The following TUSC3 variants were observed in gnomAD, a reference collection of about 807,000 sequenced individuals.
The protein encoded by TUSC3 is dolichyl-diphosphooligosaccharide--protein glycosyltransferase subunit TUSC3.
A neutral mutation model predicts 44.8 loss-of-function variants in TUSC3; 45 were observed. The observed-to-expected ratio is 1.00, with a 90% CI of 0.79 to 1.29. The LOEUF (loss-of-function observed/expected upper bound fraction) is 1.29. Ranked by LOEUF, TUSC3 falls within the 50% of genes most tolerant of loss-of-function variation. The pLI is 0.00. For synonymous variants in TUSC3, 212 were observed against 152.9 expected, an observed-to-expected ratio of 1.39 and a Z score of -2.85; for missense variants, 519 against 437.9, an observed-to-expected ratio of 1.19 and a Z score of -1.65.
chr8:15,766,884 G>A (rs964011132), downstream of TUSC3, among the ~76,000 whole-genome samples: 3 of 152,078 alleles, frequency 2.0e-5, no homozygotes, highest in Admixed American at 1.3e-4. Context: ...TAAACATTGT[G>A]TTTTAAAAAG....
At chr8:15,520,693 T>A (rs994261624) in intron 2 of TUSC3, among the ~76,000 whole-genome samples, 1 of 152,210 alleles carries the variant, frequency 6.6e-6, no homozygotes, top group African/African-American at 2.4e-5. Flanking sequence ...CATGCATTCA[T>A]ATTTCTCTCT....
At chr8:15,505,029 C>G (rs947385392) in intron 2 of TUSC3, among the ~76,000 whole-genome samples, 1 of 152,018 alleles carries the variant, frequency 6.6e-6, no homozygotes, top group Non-Finnish European at 1.5e-5. Context: ...TAAACATTAA[C>G]CAAAATAATA....
At position 15,469,426 on chromosome 8, in the gene TUSC3, T is replaced by A. The variant is rs980698788; in HGVS notation, n.92-13960T>A. Reference sequence around the variant, plus strand: ...ATAGGTTCTATATCACATGTCATCATGAAAAATGCAAATTAAGACAAAAGA... The same window carrying A: ...ATAGGTTCTATATCACATGTCATCAAGAAAAATGCAAATTAAGACAAAAGA... On this transcript the variant is annotated intron_variant and non_coding_transcript_variant, in intron 1 of 5. Coordinates refer to the TUSC3 transcript ENST00000503191. 2.2e-4 allele frequency among the ~76,000 whole-genome samples: 34 copies of A among 152,156 alleles called. 1 individual carries two copies. The highest frequency in any genetic ancestry group is 8.0e-4 in the African/African-American group (33 of 41,446).
At chr8:15,807,903 C>T in the TUSC3 span, among the ~76,000 whole-genome samples, 1 of 152,188 alleles carries the variant, frequency 6.6e-6, no homozygotes, top group Non-Finnish European at 1.5e-5. Context: ...GCAAACCTAA[C>T]TTTTGGGTAC....
rs76013133 is a variant in TUSC3, at chr8:15,427,320, G to A, written n.91+10015G>A. On this transcript the variant is annotated intron_variant and non_coding_transcript_variant, in intron 1 of 5. Coordinates refer to the TUSC3 transcript ENST00000503191. ...AGGGCAGGAGAGGGCTCCCACACAC[G>A]CACACACCAGGAGTGTCAGGCAGCC... 8.4e-3 allele frequency among the ~76,000 whole-genome samples: 1,265 copies of A among 150,554 alleles called. 8 individuals are homozygous for A. Among genetic ancestry groups the A allele is most frequent in the Non-Finnish European group, 0.014 (983 of 67,812 alleles).
the TUSC3 span, among the ~76,000 whole-genome samples, chr8:15,851,570 T>C: frequency 6.6e-6 from 1 of 152,194 alleles, no homozygotes; most frequent in Non-Finnish European, 1.5e-5. Context: ...GACCAAGACA[T>C]GGGACACGTG....
chr8:15,849,881 G>C, the TUSC3 span, among the ~76,000 whole-genome samples: 1 of 152,088 alleles, frequency 6.6e-6, no homozygotes, highest in Admixed American at 6.6e-5. Context: ...CCAGTGATCC[G>C]GAGCATCACT....
intron 1 of TUSC3, among the ~76,000 whole-genome samples, chr8:15,473,050 C>T (rs542950004): frequency 2.4e-4 from 37 of 152,284 alleles, no homozygotes; most frequent in South Asian, 2.1e-3. Flanking sequence ...ATGCTGCCTT[C>T]ATGAAGTTGG....
intron 6 of TUSC3, among the ~76,000 whole-genome samples, chr8:15,676,859 C>A (rs2129184363): frequency 6.6e-6 from 1 of 152,118 alleles, no homozygotes; most frequent in East Asian, 1.9e-4. Flanking sequence ...TAGCATATAA[C>A]CCCAAAGAAG....
chr8:15,640,981 C>T (rs1489942184), intron 2 of TUSC3, among the ~76,000 whole-genome samples: 1 of 152,170 alleles, frequency 6.6e-6, no homozygotes, highest in Admixed American at 6.5e-5. Flanking sequence ...TGTTTATCTG[C>T]TCCCATGTAC....
At chr8:15,645,950 A>G (rs1297017964) in intron 2 of TUSC3, among the ~76,000 whole-genome samples, 1 of 152,148 alleles carries the variant, frequency 6.6e-6, no homozygotes, top group Non-Finnish European at 1.5e-5. Context: ...AAGGGTATTT[A>G]TGATATAGTG....
intron 1 of TUSC3, among the ~76,000 whole-genome samples, chr8:15,566,451 A>G (rs1007890844): frequency 7.9e-5 from 12 of 152,146 alleles, no homozygotes; most frequent in African/African-American, 2.4e-4. Flanking sequence ...GAGGGGGCCT[A>G]AGTTTAAAGA....
chr8:15,629,910 A>T (rs376153960), intron 2 of TUSC3, among the ~76,000 whole-genome samples: 77 of 152,102 alleles, frequency 5.1e-4, no homozygotes, highest in African/African-American at 1.7e-3. Context: ...TTGGAATTCA[A>T]TTCTCACCTC....
At chr8:15,635,618 A>G (rs940751022) in intron 2 of TUSC3, among the ~76,000 whole-genome samples, 1 of 152,204 alleles carries the variant, frequency 6.6e-6, no homozygotes, top group Admixed American at 6.5e-5. Flanking sequence ...TGAGAGTCGT[A>G]ATAGTAGTAA....
At chr8:15,749,959 C>G (rs2129218742) in intron 9 of TUSC3, among the ~76,000 whole-genome samples, 1 of 148,992 alleles carries the variant, frequency 6.7e-6, no homozygotes, top group East Asian at 2.0e-4. Flanking sequence ...AAAAGATAAA[C>G]TATACAGTAA....
At chr8:15,714,495 T>C (rs1809987659) in intron 6 of TUSC3, among the ~76,000 whole-genome samples, 1 of 152,192 alleles carries the variant, frequency 6.6e-6, no homozygotes, top group African/African-American at 2.4e-5. Context: ...AGTTTGTAAC[T>C]GCTGGAAGTG....
intron 1 of TUSC3, among the ~76,000 whole-genome samples, chr8:15,543,137 C>G (rs913687584): frequency 5.9e-5 from 9 of 152,158 alleles, no homozygotes; most frequent in Non-Finnish European, 1.3e-4. Flanking sequence ...AGTATGTGGT[C>G]TCTTTCTGTC....
At position 15,650,689 on chromosome 8, in the gene TUSC3, C is replaced by T. The variant is rs771541606; in HGVS notation, c.309-8C>T. The stretch of plus-strand genomic sequence containing the variant: ...TGTGTTTCTACTATGGCCCATTATT[C>T]TTATCAGGCAAGCTAATGAAGAATA... On this transcript the variant is annotated splice_region_variant and splice_polypyrimidine_tract_variant and intron_variant, in intron 2 of 10. Transcript: ENST00000503731. 6.2e-6 allele frequency: 10 copies of T among 1,612,138 alleles called. No individual in the cohort carries two copies. The highest frequency in any genetic ancestry group is 8.5e-6 in the Non-Finnish European group (10 of 1,178,354).
intron 1 of TUSC3, among the ~76,000 whole-genome samples, chr8:15,548,729 A>T (rs1801956936): frequency 6.6e-6 from 1 of 151,974 alleles, no homozygotes; most frequent in East Asian, 1.9e-4. Flanking sequence ...GTATTGTTGA[A>T]TTAAGCATTT....
Sources: gnomAD v4.1 joint callset for allele counts (sites outside exome capture counted in the v4.1 genomes callset) on GRCh38, gnomAD v4.1.1 for gene constraint, MANE v1.5 for transcripts, NCBI Gene and HGNC (gene_info 2026-07-23, HGNC 2026-07-21) for gene names.